The following SENP7 variants were observed in gnomAD, a reference collection of about 807,000 sequenced individuals.
SENP7 encodes sentrin-specific protease 7.
Under a neutral mutation model 141.2 loss-of-function variants are expected in SENP7, and 64 were observed. The observed-to-expected ratio is 0.45, with a 90% CI of 0.37 to 0.56. The LOEUF (loss-of-function observed/expected upper bound fraction) is 0.56. SENP7 is among the 20% of genes least tolerant of loss of function. SENP7 has a pLI of 0.00. For synonymous variants in SENP7, 382 were observed against 426.4 expected (o/e 0.90, Z 1.28); for missense variants, 1,025 against 1,212.2 (o/e 0.85, Z 2.29).
intron 8 of SENP7, 41 bp from the exon 9 acceptor site, chr3:101,366,810 T>C (rs886376707): frequency 2.2e-6 from 3 of 1,387,504 alleles, no homozygotes; most frequent in Non-Finnish European, 2.9e-6. Flanking sequence ...TTTTTCAAAT[T>C]TGGCTTGCTT....
At chr3:101,429,222 C>G (rs2062072432) in intron 4 of SENP7, among the ~76,000 whole-genome samples, 1 of 151,734 alleles carries the variant, frequency 6.6e-6, no homozygotes, top group African/African-American at 2.4e-5. Context: ...TTTTCCAATT[C>G]TGTGAAGAAA....
chr3:101,374,342 T>C (rs2060259678), intron 6 of SENP7, among the ~76,000 whole-genome samples: 1 of 152,168 alleles, frequency 6.6e-6, no homozygotes, highest in Non-Finnish European at 1.5e-5. Flanking sequence ...GGCAGAAAAC[T>C]ATAAAACTCT....
chr3:101,459,082 T>TAAAC lies in SENP7; in HGVS notation c.187-34_187-31dup, dbSNP rs779628180. On this transcript the variant is annotated intron_variant, in intron 3 of 23. Transcript: ENST00000394095. ...GAAAAAAAAAATGAAATTTTAATAA[T>TAAAC]AAACATATCAATATGACAAGAGGCA... is the stretch of plus-strand genomic sequence containing the variant. 7.0e-6 allele frequency: 9 copies of TAAAC among 1,287,938 alleles called. No homozygotes were observed. In the East Asian group the frequency reaches 1.9e-4, roughly 27 times the overall value. 79.8% of individuals were successfully genotyped at this position (1,287,938 alleles called of 1,614,324 possible).
intron 3 of SENP7, among the ~76,000 whole-genome samples, chr3:101,489,161 G>C (rs2064855294): frequency 6.6e-6 from 1 of 152,086 alleles, no homozygotes; most frequent in Non-Finnish European, 1.5e-5. Flanking sequence ...AGGTCCTTAA[G>C]GGAGTACTAA....
At chr3:101,404,909 G>C (rs544756455) in intron 5 of SENP7, among the ~76,000 whole-genome samples, 67 of 152,254 alleles carry the variant, frequency 4.4e-4, no homozygotes, top group Non-Finnish European at 8.1e-4. Context: ...GAGACACAGG[G>C]AGAAGACAGC....
chr3:101,438,279 C>T (rs575920426), intron 4 of SENP7, among the ~76,000 whole-genome samples: 3 of 152,170 alleles, frequency 2.0e-5, no homozygotes, highest in African/African-American at 7.2e-5. Flanking sequence ...CTGGCATATT[C>T]TACAACATGA....
chr3:101,508,159 TC>T (rs2065704006), intron 1 of SENP7, among the ~76,000 whole-genome samples: 1 of 152,116 alleles, frequency 6.6e-6, no homozygotes, highest in African/African-American at 2.4e-5. Flanking sequence ...GATTCTTGGT[TC>T]ATAGTTTACG....
At chr3:101,415,355 G>A (rs1484734954) in intron 5 of SENP7, among the ~76,000 whole-genome samples, 1 of 152,318 alleles carries the variant, frequency 6.6e-6, no homozygotes, top group East Asian at 1.9e-4. Flanking sequence ...CTAATTACGG[G>A]AAGCATAATT....
chr3:101,343,808 G>A lies in SENP7; in HGVS notation c.1984C>T (p.Pro662Ser). 6.2e-7 allele frequency: 1 copy of A among 1,613,810 alleles called. No homozygotes were observed. Among genetic ancestry groups the A allele is most frequent in the Non-Finnish European group, 8.5e-7 (1 of 1,179,898 alleles). The change falls in exon 14 of 24, where the codon CCT becomes TCT. Residue 662 changes from proline to serine, a missense_variant. By Grantham distance (74) the Pro-to-Ser change is moderately conservative. Transcript: ENST00000394095. ...TTTGAAGAGAGGTTCTGAAACAAAG[G>A]AAATGCCTGAACCCAAGACAACGGG... ...SYPLSWVQAF[P>S]LFQNLSSKES... is the part of the protein sequence containing the mutation.
chr3:101,448,421 A>C (rs542393029), intron 4 of SENP7, among the ~76,000 whole-genome samples: 2 of 152,232 alleles, frequency 1.3e-5, no homozygotes, highest in Non-Finnish European at 2.9e-5. Context: ...AAAATGGGCA[A>C]AGGATCTGAG....
intron 4 of SENP7, among the ~76,000 whole-genome samples, chr3:101,454,990 A>G (rs1206685373): frequency 6.6e-6 from 1 of 152,244 alleles, no homozygotes; most frequent in Non-Finnish European, 1.5e-5. Context: ...GAATTTTATG[A>G]TATGTAAATT....
chr3:101,512,970 C>T, intron 1 of SENP7, 121 bp downstream of exon 1: 1 of 1,127,990 alleles, frequency 8.9e-7, no homozygotes, highest in African/African-American at 1.5e-5. Flanking sequence ...CGCGCCCCTT[C>T]CTCTCCCCGC....
In SENP7 at chr3:101,328,556, G is replaced by A. The variant is rs201204554; in HGVS notation, c.2796-10C>T. ...TATAAGAATACATGGCCTATGAAAA[G>A]CAAAGGACAAAATCAAGATTTACAT... On this transcript the variant is annotated splice_polypyrimidine_tract_variant and intron_variant, in intron 21 of 23. Coordinates refer to ENST00000394095, the MANE Select transcript of SENP7 (RefSeq NM_020654.5). 91 of 1,611,316 alleles carry A rather than the reference G, an allele frequency of 5.6e-5. No individual in the cohort carries two copies. Among genetic ancestry groups the A allele is most frequent in the Non-Finnish European group, 7.0e-5 (82 of 1,177,990 alleles).
intron 12 of SENP7, among the ~76,000 whole-genome samples, chr3:101,350,237 C>T (rs2059579198): frequency 6.6e-6 from 1 of 152,126 alleles, no homozygotes; most frequent in Non-Finnish European, 1.5e-5. Flanking sequence ...AACATCACAT[C>T]AGTTCAGATT....
At chr3:101,346,965 G>A (rs2059475860) in intron 13 of SENP7, among the ~76,000 whole-genome samples, 2 of 149,534 alleles carry the variant, frequency 1.3e-5, no homozygotes, top group East Asian at 3.9e-4. Flanking sequence ...GAGGGAGGAG[G>A]AAAGGAGGAG....
Position 101,348,067 on chromosome 3 carries a change from G to C in SENP7, c.1658-16C>G. Reference sequence around the variant, plus strand: ...TTCAGGGACACTGAAACAAATAAAAGACAACAATTTAAAAAATTAATCCAT... The same window carrying C: ...TTCAGGGACACTGAAACAAATAAAACACAACAATTTAAAAAATTAATCCAT... On this transcript the variant is annotated splice_polypyrimidine_tract_variant and intron_variant, in intron 12 of 23. Transcript: ENST00000394095. 6.5e-7 allele frequency: 1 copy of C among 1,534,360 alleles called. No homozygotes were observed.
At chr3:101,403,566 T>C (rs1024063492) in intron 5 of SENP7, among the ~76,000 whole-genome samples, 1 of 152,322 alleles carries the variant, frequency 6.6e-6, no homozygotes, top group Non-Finnish European at 1.5e-5. Context: ...GCCAAAGGAT[T>C]CCAGATAACT....
intron 4 of SENP7, among the ~76,000 whole-genome samples, chr3:101,439,965 G>A (rs1283343547): frequency 2.3e-4 from 20 of 85,286 alleles, no homozygotes; most frequent in South Asian, 9.4e-4. Flanking sequence ...TCAGCCCTCC[G>A]CCCGGCCAGC....
chr3:101,438,842 C>T (rs371419456), intron 4 of SENP7, among the ~76,000 whole-genome samples: 3,833 of 152,004 alleles, frequency 0.025, 56 homozygotes, highest in African/African-American at 0.037. Context: ...GAGCGCCGCC[C>T]GGGAGGCAGC....
Sources: allele counts gnomAD v4.1 joint callset (sites outside exome capture counted in the v4.1 genomes callset), GRCh38; gene constraint gnomAD v4.1.1; transcripts MANE v1.5; gene names NCBI Gene and HGNC (gene_info 2026-07-23, HGNC 2026-07-21).